Variants in OAS1 observed in about 807,000 individuals in gnomAD.
OAS1 encodes 2'-5'-oligoadenylate synthase 1.
In OAS1, 24 loss-of-function variants were observed where a neutral mutation model predicts 38.5. The observed-to-expected ratio is 0.62, with a 90% confidence interval of 0.45 to 0.88. OAS1 has a LOEUF of 0.88. Among genes scored for constraint, OAS1 ranks in the 40% least tolerant of loss-of-function variants. The probability of loss-of-function intolerance (pLI) is 0.00; values close to 1 mark genes in which losing one functional copy is unlikely to be tolerated. For missense variants in OAS1, 482 were observed against 493.9 expected (o/e 0.98, Z 0.23); for synonymous variants, 169 against 193.9 (o/e 0.87, Z 1.07).
intron 3 of OAS1, among the ~76,000 whole-genome samples, chr12:112,913,852 A>G (rs1245029515): frequency 2.0e-5 from 3 of 152,186 alleles, no homozygotes; most frequent in African/African-American, 7.2e-5. Flanking sequence ...GCACACACAG[A>G]TTCATGTGTA....
Position 112,916,752 on chromosome 12 carries a change from A to C in OAS1, c.884+14A>C. 2 of 1,588,216 alleles carry C rather than the reference A, an allele frequency of 1.3e-6. No homozygotes were observed. The highest frequency in any genetic ancestry group is 2.2e-5 in the South Asian group (2 of 90,458). ...CACGAAACCCAGGTATGCTATCCCC[A>C]CATGGCTTAGCTCCCCTATGTAAAT... On this transcript the variant is annotated intron_variant, in intron 4 of 5. Coordinates refer to ENST00000202917, the MANE Select transcript of OAS1 (RefSeq NM_016816.4).
Position 112,911,191 on chromosome 12 carries a change from A to G in OAS1, c.610A>G (p.Lys204Glu), listed in dbSNP as rs1422237769. 3 of 1,613,704 alleles carry G rather than the reference A, an allele frequency of 1.9e-6. No homozygotes were observed. Among genetic ancestry groups the G allele is most frequent in the Non-Finnish European group, 1.7e-6 (2 of 1,179,948 alleles). The change falls in exon 3 of 6, where the codon AAG (lysine) becomes GAG (glutamate). Residue 204 changes from lysine (K) to glutamate (E), a missense_variant. By Grantham distance (56) the Lys-to-Glu change is moderately conservative. Coordinates refer to ENST00000202917, the MANE Select transcript of OAS1 (RefSeq NM_016816.4). ...AGACTTCCTGAAGCAGCGCCCCACCAAGCTCAAGAGCCTCATCCGCCTAGT... is the reference window on the plus strand; with the variant it reads ...AGACTTCCTGAAGCAGCGCCCCACCGAGCTCAAGAGCCTCATCCGCCTAGT... ...QRDFLKQRPT[K>E]LKSLIRLVKH...
At chr12:112,910,243 C>G (rs1034472467) in intron 2 of OAS1, among the ~76,000 whole-genome samples, 2 of 152,024 alleles carry the variant, frequency 1.3e-5, no homozygotes, top group Non-Finnish European at 2.9e-5. Context: ...TGGTGTGTGC[C>G]TGTAATCACA....
At chr12:112,932,062 C>T (rs1187816841) in exon 7 of OAS1, 7 of 616,584 alleles carry the variant, frequency 1.1e-5, no homozygotes, top group African/African-American at 1.9e-5. Context: ...GCAACCCAAC[C>T]TCTCTCTCTA....
chr12:112,931,996 A>G lies in OAS1; in HGVS notation c.*74A>G, dbSNP rs1484038594. 4 of 691,038 alleles carry G rather than the reference A, an allele frequency of 5.8e-6. No individual in the cohort carries two copies. The East Asian group carries it at 1.1e-4, about 19-fold the overall frequency. The allele number at this position is 691,038 out of a possible 1,614,324, so 42.8% of individuals were successfully genotyped here. On this transcript the variant is annotated 3_prime_UTR_variant, in exon 7 of 7. Transcript: ENST00000540589. ...TAGTTTCCAGGTTGCTTAGGGAGGCAGAAATCACAGCAAGGAAAACCTTCA... is the reference window on the plus strand; with the variant it reads ...TAGTTTCCAGGTTGCTTAGGGAGGCGGAAATCACAGCAAGGAAAACCTTCA...
chr12:112,914,801 A>G (rs2043433837), intron 3 of OAS1, among the ~76,000 whole-genome samples: 1 of 144,676 alleles, frequency 6.9e-6, no homozygotes, highest in Non-Finnish European at 1.5e-5. Context: ...CAGGTTAGTT[A>G]CATATGTATA....
chr12:112,910,878 A>T (rs2043366994), intron 2 of OAS1, among the ~76,000 whole-genome samples, 173 bp from the exon 3 acceptor site: 1 of 152,150 alleles, frequency 6.6e-6, no homozygotes, highest in Admixed American at 6.5e-5. Context: ...GGATGGGGTG[A>T]TGGCAGTGGA....
Position 112,911,162 on chromosome 12 carries a change from A to T in OAS1, c.581A>T (p.Gln194Leu), listed in dbSNP as rs2043372908. Residue 194 changes from glutamine to leucine, a missense_variant, in exon 3 of 6, where the codon CAG (glutamine) becomes CTG (leucine). Physicochemically the swap from Gln to Leu is moderately radical, Grantham distance 113. Transcript: ENST00000202917. The part of the protein sequence containing the change: ...GEFSTCFTEL[Q>L]RDFLKQRPTK... ...TTCTCCACCTGCTTCACAGAACTAC[A>T]GAGAGACTTCCTGAAGCAGCGCCCC... The T allele has an allele frequency of 6.2e-7, 1 of 1,613,946 alleles. No individual in the cohort carries two copies. Among genetic ancestry groups the T allele is most frequent in the Non-Finnish European group, 8.5e-7 (1 of 1,180,000 alleles).
In OAS1 at chr12:112,910,271, G is replaced by T. The variant is rs185580230; in HGVS notation, c.470-780G>T. Among the ~76,000 whole-genome samples, 6 of 152,256 alleles carry T rather than the reference G, an allele frequency of 3.9e-5. No homozygotes were observed. In the East Asian group the frequency reaches 7.7e-4, roughly 20 times the overall value. ...TAATCACAGCTACTCGGGAGGCTGA[G>T]GCAGGAGAATTGCTTGAACCCAGGA... On this transcript the variant is annotated intron_variant, in intron 2 of 5. Transcript: ENST00000202917.
intron 6 of OAS1, among the ~76,000 whole-genome samples, chr12:112,929,792 G>C (rs2043586485): frequency 6.6e-6 from 1 of 152,172 alleles, no homozygotes; most frequent in Admixed American, 6.5e-5. Context: ...GGGGAGATAA[G>C]CAAGAAGATG....
chr12:112,913,753 T>G (rs570077898), intron 3 of OAS1, among the ~76,000 whole-genome samples: 35 of 152,302 alleles, frequency 2.3e-4, no homozygotes, highest in African/African-American at 7.9e-4. Context: ...TATTTTATCC[T>G]GTGAATATGA....
chr12:112,919,262 G>C (rs2043507204), intron 5 of OAS1, 127 bp from the exon 6 acceptor site: 1 of 863,926 alleles, frequency 1.2e-6, no homozygotes, highest in African/African-American at 1.7e-5. Flanking sequence ...CCAGCAGCTG[G>C]GGCTTGTTAG....
chr12:112,917,360 G>A (rs2043475343), intron 4 of OAS1, among the ~76,000 whole-genome samples, 187 bp from the exon 5 acceptor site: 1 of 152,194 alleles, frequency 6.6e-6, no homozygotes, highest in Non-Finnish European at 1.5e-5. Context: ...GCAAGTGCAA[G>A]GCTCCTTCTC....
chr12:112,927,326 G>A (rs1040079153), intron 6 of OAS1, among the ~76,000 whole-genome samples: 1 of 152,080 alleles, frequency 6.6e-6, no homozygotes, highest in East Asian at 1.9e-4. Flanking sequence ...CCCTCCGTTC[G>A]GGGTCCCTGA....
In OAS1 at chr12:112,917,575, A is replaced by G. The variant is rs779775183; in HGVS notation, c.913A>G (p.Thr305Ala). ...RPVILDPADP[T>A]GNLGGGDPKG... Reference sequence around the variant, plus strand: ...TGTGATCCTGGACCCGGCGGACCCTACAGGAAACTTGGGTGGTGGAGACCC... The same window carrying G: ...TGTGATCCTGGACCCGGCGGACCCTGCAGGAAACTTGGGTGGTGGAGACCC... The change falls in exon 5 of 6, where the codon ACA (threonine) becomes GCA (alanine). Residue 305 changes from threonine (T) to alanine (A), a missense_variant. Thr to Ala is a moderately conservative substitution (Grantham distance 58, BLOSUM62 0). Transcript: ENST00000202917. 20 of 1,614,156 alleles carry G rather than the reference A, an allele frequency of 1.2e-5. No individual in the cohort carries two copies. In the Admixed American group the frequency reaches 3.2e-4, roughly 26 times the overall value.
chr12:112,930,281 G>C (rs1036855172), intron 6 of OAS1, among the ~76,000 whole-genome samples: 1 of 152,152 alleles, frequency 6.6e-6, no homozygotes, highest in African/African-American at 2.4e-5. Flanking sequence ...ACCATGAGCC[G>C]ATTAAACCTC....
At chr12:112,929,974 T>A (rs561780214) in intron 6 of OAS1, among the ~76,000 whole-genome samples, 1 of 152,284 alleles carries the variant, frequency 6.6e-6, no homozygotes, top group South Asian at 2.1e-4. Context: ...CATGTTGAAA[T>A]GTAATCCCCA....
chr12:112,930,351 G>C (rs2043590143), intron 6 of OAS1, among the ~76,000 whole-genome samples: 1 of 152,232 alleles, frequency 6.6e-6, no homozygotes, highest in Non-Finnish European at 1.5e-5. Context: ...AGAATGGCCT[G>C]ATACAGAGGC....
intron 2 of OAS1, among the ~76,000 whole-genome samples, chr12:112,909,296 A>G (rs1305383863): frequency 6.6e-6 from 1 of 152,214 alleles, no homozygotes; most frequent in Non-Finnish European, 1.5e-5. Context: ...CACTACCTGT[A>G]TCATATCATT....
Sources: allele counts gnomAD v4.1 joint callset (sites outside exome capture counted in the v4.1 genomes callset), GRCh38; gene constraint gnomAD v4.1.1; transcripts MANE v1.5; gene names NCBI Gene and HGNC (gene_info 2026-07-23, HGNC 2026-07-21).